LGSN: variants seen among roughly 807,000 people sequenced by gnomAD.
LGSN encodes the protein lengsin, lens protein with glutamine synthetase domain.
In LGSN, 21 loss-of-function variants were observed where a neutral mutation model predicts 19.5. The observed-to-expected ratio is 1.07, with a 90% confidence interval of 0.76 to 1.55. LGSN has a LOEUF of 1.55. LGSN is among the 40% of genes most tolerant of loss of function. LGSN has a pLI of 0.00. For missense variants in LGSN, 673 were observed against 608.5 expected (o/e 1.11, Z -1.12); for synonymous variants, 257 against 215.6 (o/e 1.19, Z -1.68).
At chr6:63,415,935 A>G in the LGSN span, among the ~76,000 whole-genome samples, 1 of 152,176 alleles carries the variant, frequency 6.6e-6, no homozygotes, top group Non-Finnish European at 1.5e-5. Context: ...GAATGCATGC[A>G]TTGGGAGGAG....
the LGSN span, among the ~76,000 whole-genome samples, chr6:63,412,477 GAAAGAGAA>G: frequency 2.4e-3 from 231 of 96,706 alleles, 2 homozygotes; most frequent in African/African-American, 0.011. Context: ...AGAGAGAGAA[GAAAGAGAA>G]GAAAGAAAGA....
At chr6:63,379,484 A>C in the LGSN span, among the ~76,000 whole-genome samples, 5 of 152,180 alleles carry the variant, frequency 3.3e-5, no homozygotes, top group South Asian at 2.1e-4. Context: ...GAAAAATAGG[A>C]TAAAGGTGGA....
the LGSN span, among the ~76,000 whole-genome samples, chr6:63,512,846 G>T: frequency 2.8e-4 from 43 of 152,292 alleles, no homozygotes; most frequent in African/African-American, 1.0e-3. Flanking sequence ...CTTAGAATCT[G>T]ATCTAAAATC....
At chr6:63,283,346 G>A (rs1176420389) in intron 3 of LGSN, among the ~76,000 whole-genome samples, 1 of 152,024 alleles carries the variant, frequency 6.6e-6, no homozygotes, top group Non-Finnish European at 1.5e-5. Context: ...TAAAATTTTT[G>A]CAGAATAACT....
At chr6:63,331,077 G>C in the LGSN span, among the ~76,000 whole-genome samples, 1 of 152,126 alleles carries the variant, frequency 6.6e-6, no homozygotes, top group Non-Finnish European at 1.5e-5. Flanking sequence ...CCGATAGCCC[G>C]GGGGGTTTTG....
At chr6:63,406,949 G>A in the LGSN span, among the ~76,000 whole-genome samples, 10 of 152,092 alleles carry the variant, frequency 6.6e-5, no homozygotes, top group South Asian at 4.1e-4. Flanking sequence ...TAAATTCCTC[G>A]ACACCTACAC....
chr6:63,425,505 G>A, the LGSN span, among the ~76,000 whole-genome samples: 1 of 152,146 alleles, frequency 6.6e-6, no homozygotes, highest in Non-Finnish European at 1.5e-5. Context: ...ACTACTTAGT[G>A]GGGAAAAAAG....
chr6:63,302,913 G>C (rs115470996), intron 1 of LGSN, among the ~76,000 whole-genome samples: 2,636 of 152,084 alleles, frequency 0.017, 41 homozygotes, highest in Non-Finnish European at 0.029. Flanking sequence ...GATCACTCGA[G>C]GTCAGGAGTT....
At chr6:63,450,550 C>CA in the LGSN span, among the ~76,000 whole-genome samples, 15 of 132,800 alleles carry the variant, frequency 1.1e-4, no homozygotes, top group South Asian at 2.3e-4. Context: ...AACTCCACCT[C>CA]AAAAAAAAAA....
At chr6:63,478,010 A>G in the LGSN span, among the ~76,000 whole-genome samples, 4 of 151,516 alleles carry the variant, frequency 2.6e-5, no homozygotes, top group Admixed American at 2.6e-4. Flanking sequence ...CCTACTTCTC[A>G]TATTCTTTTT....
the LGSN span, among the ~76,000 whole-genome samples, chr6:63,424,776 G>A: frequency 1.3e-5 from 2 of 152,010 alleles, no homozygotes; most frequent in South Asian, 4.2e-4. Context: ...GTCAGGCATG[G>A]TGCTGCGTGC....
At chr6:63,309,145 G>A (rs1484701815) in intron 1 of LGSN, among the ~76,000 whole-genome samples, 9 of 152,066 alleles carry the variant, frequency 5.9e-5, no homozygotes, top group South Asian at 2.1e-4. Context: ...AAAAATAAGC[G>A]CTTCTGGCCG....
chr6:63,396,196 CT>C, the LGSN span: 1 of 156,556 alleles, frequency 6.4e-6, no homozygotes, highest in East Asian at 1.9e-4. Flanking sequence ...GGGCAAGTTG[CT>C]GGCCTTTAGA....
At chr6:63,505,394 A>G in the LGSN span, among the ~76,000 whole-genome samples, 4 of 151,470 alleles carry the variant, frequency 2.6e-5, no homozygotes, top group African/African-American at 7.3e-5. Context: ...CCTGGTCAAC[A>G]TAGTGAAACC....
the LGSN span, among the ~76,000 whole-genome samples, chr6:63,377,522 A>G: frequency 6.6e-6 from 1 of 152,360 alleles, no homozygotes; most frequent in African/African-American, 2.4e-5. Context: ...TGATAAGTGC[A>G]GGATAATTCT....
At chr6:63,333,183 C>T in the LGSN span, among the ~76,000 whole-genome samples, 1 of 152,040 alleles carries the variant, frequency 6.6e-6, no homozygotes, top group Non-Finnish European at 1.5e-5. Flanking sequence ...TCTGGCCCCA[C>T]CTACATCCTG....
At chr6:63,363,251 G>A in the LGSN span, among the ~76,000 whole-genome samples, 1 of 152,216 alleles carries the variant, frequency 6.6e-6, no homozygotes, top group African/African-American at 2.4e-5. Flanking sequence ...AGAGAAACCA[G>A]AGCAGAAATG....
At chr6:63,281,327 ATAT>A in intron 3 of LGSN, 107 bp from the exon 4 acceptor site, 1 of 169,262 alleles carries the variant, frequency 5.9e-6, no homozygotes, top group African/African-American at 2.4e-5. Context: ...ATATATATAT[ATAT>A]AATAAATATA....
intron 1 of LGSN, among the ~76,000 whole-genome samples, chr6:63,301,203 A>C (rs1198444581): frequency 2.6e-5 from 4 of 152,158 alleles, no homozygotes; most frequent in African/African-American, 9.7e-5. Flanking sequence ...AGGCAGGAGA[A>C]TGGCTTGAAC....
Sources: gnomAD v4.1 joint callset for allele counts (sites outside exome capture counted in the v4.1 genomes callset) on GRCh38, gnomAD v4.1.1 for gene constraint, MANE v1.5 for transcripts, NCBI Gene and HGNC (gene_info 2026-07-23, HGNC 2026-07-21) for gene names.